DNAH8: variants seen among roughly 807,000 people sequenced by gnomAD.
DNAH8 encodes the protein dynein axonemal heavy chain 8.
In DNAH8, 382 loss-of-function variants were observed where a neutral mutation model predicts 562.1. The ratio of observed to expected loss-of-function variants is 0.68; its 90% CI spans 0.63 to 0.74. The LOEUF (loss-of-function observed/expected upper bound fraction) is 0.74, where lower values mean the gene tolerates loss of function less well. Ranked by LOEUF, DNAH8 falls within the 30% of genes least tolerant of loss-of-function variation. DNAH8 has a pLI of 0.00. For synonymous variants in DNAH8, 1,881 were observed against 1,919.4 expected, an observed-to-expected ratio of 0.98 and a Z score of 0.52; for missense variants, 5,203 against 5,620.4, an observed-to-expected ratio of 0.93 and a Z score of 2.37.
At chr6:38,850,818 G>A (rs944050658) in intron 38 of DNAH8, among the ~76,000 whole-genome samples, 8 of 152,112 alleles carry the variant, frequency 5.3e-5, no homozygotes, top group Non-Finnish European at 1.2e-4. Flanking sequence ...CTCTGTCTCT[G>A]TCTTCACTTG....
chr6:38,723,780 G>A (rs1052223381), intron 3 of DNAH8, among the ~76,000 whole-genome samples: 1 of 152,038 alleles, frequency 6.6e-6, no homozygotes, highest in Non-Finnish European at 1.5e-5. Context: ...GGAGGCTGAG[G>A]TGGGAGGATC....
chr6:38,868,370 G>A (rs1190068977), intron 48 of DNAH8, among the ~76,000 whole-genome samples, 174 bp downstream of exon 48: 4 of 152,170 alleles, frequency 2.6e-5, no homozygotes, highest in African/African-American at 9.7e-5. Context: ...CATGACCTGT[G>A]TGACCAACAT....
chr6:38,916,389 G>A (rs1781316264), intron 68 of DNAH8, among the ~76,000 whole-genome samples: 1 of 152,082 alleles, frequency 6.6e-6, no homozygotes, highest in South Asian at 2.1e-4. Context: ...CTTCTTCGAG[G>A]CCTTCCTTTG....
chr6:39,009,064 G>T (rs1766003725), intron 89 of DNAH8, 94 bp downstream of exon 89: 1 of 906,632 alleles, frequency 1.1e-6, no homozygotes, highest in East Asian at 2.5e-5. Context: ...TCTACCTGTT[G>T]GTGACTATGT....
intron 24 of DNAH8, among the ~76,000 whole-genome samples, chr6:38,813,607 C>T (rs1031478508): frequency 1.3e-5 from 2 of 152,134 alleles, no homozygotes; most frequent in African/African-American, 2.4e-5. Context: ...TGGACTCAGG[C>T]GTCTGTGCTG....
chr6:38,868,685 T>TC (rs2150424262), intron 48 of DNAH8, among the ~76,000 whole-genome samples: 1 of 152,160 alleles, frequency 6.6e-6, no homozygotes, highest in East Asian at 1.9e-4. Flanking sequence ...ATTTTTTTTT[T>TC]TTTCTTTGAA....
chr6:38,786,682 A>C, intron 17 of DNAH8, 83 bp from the exon 18 acceptor site: 1 of 1,402,100 alleles, frequency 7.1e-7, no homozygotes, highest in Non-Finnish European at 9.7e-7. Flanking sequence ...TTAGTAATCC[A>C]GGGGGCAAGA....
intron 67 of DNAH8, among the ~76,000 whole-genome samples, chr6:38,914,566 G>A (rs1254268476): frequency 6.6e-6 from 1 of 151,852 alleles, no homozygotes; most frequent in African/African-American, 2.4e-5. Context: ...TGGCCAGGAT[G>A]GTCTCAATCT....
intron 21 of DNAH8, among the ~76,000 whole-genome samples, chr6:38,798,334 T>C (rs1160996092): frequency 6.6e-6 from 1 of 152,214 alleles, no homozygotes; most frequent in Admixed American, 6.5e-5. Flanking sequence ...TAAAAATCAA[T>C]ATAACTGTCT....
At chr6:38,800,956 G>A in intron 21 of DNAH8, among the ~76,000 whole-genome samples, 1 of 152,056 alleles carries the variant, frequency 6.6e-6, no homozygotes, top group Non-Finnish European at 1.5e-5. Flanking sequence ...TTCCTTATCA[G>A]ATATATGATT....
intron 59 of DNAH8, among the ~76,000 whole-genome samples, chr6:38,895,262 A>G (rs908987699): frequency 1.1e-4 from 16 of 152,050 alleles, no homozygotes; most frequent in African/African-American, 3.6e-4. Flanking sequence ...ATTACCTACT[A>G]GGATAAGTAG....
chr6:38,809,004 G>A (rs1771553317), intron 24 of DNAH8, among the ~76,000 whole-genome samples: 1 of 151,734 alleles, frequency 6.6e-6, no homozygotes, highest in African/African-American at 2.4e-5. Context: ...ACGGGTTGAT[G>A]GGTGCAGTAA....
intron 57 of DNAH8, among the ~76,000 whole-genome samples, chr6:38,887,450 T>C (rs951051667): frequency 4.6e-5 from 7 of 152,172 alleles, no homozygotes; most frequent in Admixed American, 1.3e-4. Flanking sequence ...CCCATGCCTA[T>C]AATCTTAGCA....
At chr6:38,931,194 T>C (rs946862134) in intron 75 of DNAH8, 1 of 152,146 alleles carries the variant, frequency 6.6e-6, no homozygotes, top group African/African-American at 2.4e-5. Context: ...ACCAGAGATT[T>C]AAGTCATTTA....
At chr6:38,951,581 C>T in intron 82 of DNAH8, 61 bp downstream of exon 82, 13 of 1,466,846 alleles carry the variant, frequency 8.9e-6, no homozygotes, top group Non-Finnish European at 1.2e-5. Flanking sequence ...CCAAATTTTG[C>T]CTTTCGTAAT....
intron 82 of DNAH8, among the ~76,000 whole-genome samples, chr6:38,958,167 A>T (rs367826487): frequency 7.3e-6 from 1 of 136,876 alleles, no homozygotes; most frequent in African/African-American, 2.7e-5. Context: ...ACGCCTGACT[A>T]ATTTTTTTTT....
rs751723664 is a variant in DNAH8 at position 38,930,591 on chromosome 6, G to A, written c.11274+925G>A. ...AACGCAGTTAGTGTTCTGAAGGTTA[G>A]CATCATTCTATAAGATTAGAGGGTA... On this transcript the variant is annotated intron_variant, in intron 75 of 92. Transcript: ENST00000327475. Among the ~76,000 whole-genome samples the A allele has an allele frequency of 2.6e-5, 4 of 152,084 alleles. No homozygotes were observed. The South Asian group carries it at 6.2e-4, about 24-fold the overall frequency.
chr6:38,715,913 A>ATAT (rs1762245340), intron 1 of DNAH8, among the ~76,000 whole-genome samples: 1 of 43,712 alleles, frequency 2.3e-5, no homozygotes, highest in African/African-American at 1.6e-4. Context: ...AAAATAAATA[A>ATAT]ATAAATAAAT....
chr6:38,773,291 G>GCCCACCT (rs58417719), intron 12 of DNAH8, among the ~76,000 whole-genome samples: 18,588 of 152,068 alleles, frequency 0.12, 1,370 homozygotes, highest in Admixed American at 0.22. Context: ...CAGAACCCTT[G>GCCCACCT]CCCACCTGGG....
Sources: allele counts gnomAD v4.1 joint callset (sites outside exome capture counted in the v4.1 genomes callset), GRCh38; gene constraint gnomAD v4.1.1; transcripts MANE v1.5; gene names NCBI Gene and HGNC (gene_info 2026-07-23, HGNC 2026-07-21).